The following KDM4C variants were observed in gnomAD, a reference collection of about 807,000 sequenced individuals.
KDM4C encodes lysine demethylase 4C, also known as lysine-specific demethylase 4C.
In KDM4C, 81 loss-of-function variants were observed where a neutral mutation model predicts 129.3. That is an observed-to-expected ratio of 0.63 (90% CI 0.52 to 0.75). The LOEUF is 0.75. Among genes scored for constraint, KDM4C ranks in the 30% least tolerant of loss-of-function variants. The pLI, the probability that KDM4C is intolerant of heterozygous loss-of-function variation, is 0.00. For synonymous variants in KDM4C, 573 were observed against 456.1 expected (o/e 1.26, Z -3.26); for missense variants, 1,457 against 1,304.0 (o/e 1.12, Z -1.81).
intron 4 of KDM4C, among the ~76,000 whole-genome samples, chr9:6,829,601 C>G (rs1004338882): frequency 2.0e-5 from 3 of 152,210 alleles, no homozygotes; most frequent in Admixed American, 6.5e-5. Flanking sequence ...ATGACTCCTA[C>G]TTAGTGGCAG....
intron 1 of KDM4C, among the ~76,000 whole-genome samples, chr9:6,779,685 A>G (rs1442247450): frequency 2.0e-5 from 3 of 152,166 alleles, no homozygotes; most frequent in African/African-American, 7.2e-5. Flanking sequence ...GTGCTCTAAC[A>G]CCAGTCAATA....
chr9:7,064,417 C>A (rs1262867361), intron 17 of KDM4C, among the ~76,000 whole-genome samples: 3 of 152,070 alleles, frequency 2.0e-5, no homozygotes, highest in Non-Finnish European at 2.9e-5. Context: ...GGTGGCTCAC[C>A]ATGTTGGCAG....
intron 1 of KDM4C, among the ~76,000 whole-genome samples, chr9:6,785,851 G>A (rs1387727635): frequency 1.3e-5 from 2 of 152,238 alleles, no homozygotes; most frequent in Non-Finnish European, 2.9e-5. Flanking sequence ...GCAGAAGCTT[G>A]CTTGGCTCCT....
At chr9:6,743,705 G>A (rs820521) in intron 1 of KDM4C, among the ~76,000 whole-genome samples, 32,020 of 151,712 alleles carry the variant, frequency 0.21, 3,656 homozygotes, top group East Asian at 0.45. Flanking sequence ...ACAGGGTTTC[G>A]TCATGTGGCT....
At chr9:6,757,800 C>A (rs1379779065), upstream of KDM4C, 2 of 985,620 alleles carry the variant, frequency 2.0e-6, no homozygotes, top group Non-Finnish European at 2.4e-6. Flanking sequence ...TGGGATATGC[C>A]TGTGTCCAAA....
At chr9:6,995,528 C>T (rs1819528912) in intron 12 of KDM4C, among the ~76,000 whole-genome samples, 1 of 152,162 alleles carries the variant, frequency 6.6e-6, no homozygotes, top group Admixed American at 6.5e-5. Context: ...TTCAAAGTAT[C>T]ATCTTTAGCA....
intron 8 of KDM4C, among the ~76,000 whole-genome samples, chr9:6,959,999 T>G (rs1829759558): frequency 6.6e-6 from 1 of 151,886 alleles, no homozygotes; most frequent in African/African-American, 2.4e-5. Context: ...TTACATCCAG[T>G]GAATGCTTGT....
rs1190463748 is a variant in KDM4C at position 6,835,369 on chromosome 9, C to A, written c.436-14138C>A. ...GCTGTCTGGCGGCACCACCATGTAC[C>A]CTAGCGTTGCCAACAGGATGCAGAA... On this transcript the variant is annotated intron_variant, in intron 4 of 21. Transcript: ENST00000381309. 7 of 1,084,698 alleles carry A rather than the reference C, an allele frequency of 6.5e-6. No homozygotes were observed. The African/African-American group carries it at 9.4e-5, about 14-fold the overall frequency. The allele number at this position is 1,084,698 out of a possible 1,614,324, so 67.2% of individuals were successfully genotyped here. A position where few individuals can be genotyped will look rare whatever the true frequency, so the allele number is the denominator to read the frequency against.
At chr9:6,815,776 A>G (rs899834539) in intron 4 of KDM4C, among the ~76,000 whole-genome samples, 3 of 152,302 alleles carry the variant, frequency 2.0e-5, no homozygotes, top group Admixed American at 1.3e-4. Flanking sequence ...AAATGGGGAA[A>G]AATCTGACAT....
intron 5 of KDM4C, among the ~76,000 whole-genome samples, chr9:6,863,592 C>T (rs188856292): frequency 9.2e-5 from 14 of 151,814 alleles, no homozygotes; most frequent in Non-Finnish European, 1.6e-4. Flanking sequence ...GTCAGGAGAT[C>T]GAGACCATCC....
intron 7 of KDM4C, among the ~76,000 whole-genome samples, chr9:6,891,674 A>T (rs912913556): frequency 6.6e-6 from 1 of 152,208 alleles, no homozygotes; most frequent in Admixed American, 6.5e-5. Flanking sequence ...TTACATTTCA[A>T]TAAAGTTGTT....
chr9:6,775,729 T>C (rs1319452997), intron 1 of KDM4C, among the ~76,000 whole-genome samples: 1 of 150,414 alleles, frequency 6.6e-6, no homozygotes, highest in Non-Finnish European at 1.5e-5. Context: ...TCCATGTTGG[T>C]CAGGCTGGTC....
At chr9:6,904,859 G>C (rs1362098082) in intron 8 of KDM4C, among the ~76,000 whole-genome samples, 1 of 152,044 alleles carries the variant, frequency 6.6e-6, no homozygotes, top group Non-Finnish European at 1.5e-5. Context: ...CAACAGTTTT[G>C]TGGCAATGGG....
At position 6,873,903 on chromosome 9, in the gene KDM4C, C is replaced by CGAGA. The variant is rs1310456528; in HGVS notation, c.630-6101_630-6098dup. Reference sequence around the variant, plus strand: ...CTTCTTTTTCTTGAACACTTAGAGGCGAGAGAGAGAGCGAGAGAGAGAGAG... The same window carrying CGAGA: ...CTTCTTTTTCTTGAACACTTAGAGGCGAGAGAGAGAGAGAGCGAGAGAGAGAGAG... On this transcript the variant is annotated intron_variant, in intron 5 of 21. Transcript: ENST00000381309. 2.1e-4 allele frequency among the ~76,000 whole-genome samples: 28 copies of CGAGA among 136,200 alleles called. No individual in the cohort carries two copies. The South Asian group carries it at 6.4e-3, about 31-fold the overall frequency. 89.4% of individuals were successfully genotyped at this position (136,200 alleles called of 152,430 possible).
chr9:7,009,462 T>A (rs560768879), intron 12 of KDM4C, among the ~76,000 whole-genome samples: 2 of 152,342 alleles, frequency 1.3e-5, no homozygotes, highest in South Asian at 4.1e-4. Context: ...ACATTCTTTT[T>A]TTTTCACAGA....
chr9:6,935,053 T>C (rs2131342442), intron 8 of KDM4C, among the ~76,000 whole-genome samples: 1 of 152,150 alleles, frequency 6.6e-6, no homozygotes, highest in Middle Eastern at 3.4e-3. Flanking sequence ...TTGGGGAAAA[T>C]TTTCCAGAAA....
intron 17 of KDM4C, among the ~76,000 whole-genome samples, chr9:7,084,370 G>A (rs1834879009): frequency 6.6e-6 from 1 of 152,216 alleles, no homozygotes; most frequent in Admixed American, 6.5e-5. Flanking sequence ...CAAACGTTTT[G>A]TTAGCCACTG....
chr9:7,075,730 C>G (rs1192550582), intron 17 of KDM4C, among the ~76,000 whole-genome samples: 1 of 152,122 alleles, frequency 6.6e-6, no homozygotes, highest in Non-Finnish European at 1.5e-5. Context: ...TACAGCAACA[C>G]TGCTTATCAG....
At chr9:6,820,522 T>C (rs1236954512) in intron 4 of KDM4C, among the ~76,000 whole-genome samples, 1 of 152,170 alleles carries the variant, frequency 6.6e-6, no homozygotes, top group Non-Finnish European at 1.5e-5. Context: ...GTCTGAATTT[T>C]GTCTCTTAGC....
Sources: allele counts gnomAD v4.1 joint callset (sites outside exome capture counted in the v4.1 genomes callset), GRCh38; gene constraint gnomAD v4.1.1; transcripts MANE v1.5; gene names NCBI Gene and HGNC (gene_info 2026-07-23, HGNC 2026-07-21).